DCC: variants seen among roughly 807,000 people sequenced by gnomAD.
DCC encodes the protein netrin receptor DCC.
A neutral mutation model predicts 172.5 loss-of-function variants in DCC; 58 were observed. The ratio of observed to expected loss-of-function variants is 0.34; its 90% CI spans 0.27 to 0.42. DCC has a LOEUF of 0.42. Among genes scored for constraint, DCC ranks in the 10% least tolerant of loss-of-function variants. The probability of loss-of-function intolerance (pLI) is 1.00; values close to 1 mark genes in which losing one functional copy is unlikely to be tolerated. For missense variants in DCC, 1,740 were observed against 1,791.0 expected (o/e 0.97, Z 0.51); for synonymous variants, 709 against 644.5 (o/e 1.10, Z -1.52).
intron 2 of DCC, among the ~76,000 whole-genome samples, chr18:52,841,360 C>T (rs1364325225): frequency 6.6e-6 from 1 of 151,894 alleles, no homozygotes; most frequent in East Asian, 1.9e-4. Context: ...AGTTACAAGG[C>T]TATTTTATCA....
At chr18:53,320,379 C>T (rs2057397489) in intron 13 of DCC, among the ~76,000 whole-genome samples, 1 of 152,106 alleles carries the variant, frequency 6.6e-6, no homozygotes, top group Non-Finnish European at 1.5e-5. Flanking sequence ...GCCAAGAGTA[C>T]ATTTTTGATG....
rs188306223 is a variant in DCC, at chr18:53,032,822, A to G, written c.986-30483A>G. Among the ~76,000 whole-genome samples the G allele has an allele frequency of 3.1e-4, 47 of 152,226 alleles. No individual in the cohort carries two copies. The East Asian group carries it at 9.1e-3, about 30-fold the overall frequency. On this transcript the variant is annotated intron_variant, in intron 5 of 28. Coordinates refer to ENST00000442544, the MANE Select transcript of DCC (RefSeq NM_005215.4). ...ACTGCTGGGGAAATTAGTTTCTAAT[A>G]AAAAGAAAAACCTGCAGTTCAAGTC...
chr18:53,503,655 T>G (rs2046132522), intron 27 of DCC, among the ~76,000 whole-genome samples: 2 of 152,214 alleles, frequency 1.3e-5, no homozygotes, highest in African/African-American at 4.8e-5. Context: ...TAGTTAAAAT[T>G]CCTTTTAGTG....
At chr18:52,873,848 T>C (rs2039360277) in intron 2 of DCC, among the ~76,000 whole-genome samples, 2 of 152,220 alleles carry the variant, frequency 1.3e-5, no homozygotes, top group Non-Finnish European at 1.5e-5. Context: ...TATCGGCTAA[T>C]GAGTGATTGT....
chr18:53,499,458 A>G lies in DCC; in HGVS notation c.4059A>G (p.Pro1353=). 1.2e-6 allele frequency: 2 copies of G among 1,614,052 alleles called. No homozygotes were observed. Among genetic ancestry groups the G allele is most frequent in the South Asian group, 1.1e-5 (1 of 91,066 alleles). Residue 1353 remains proline (P), a synonymous_variant, in exon 27 of 29, where the codon CCA becomes CCG. Coordinates refer to ENST00000442544, the MANE Select transcript of DCC (RefSeq NM_005215.4). ...TTGCTAATCCTTTGCTACCTCCACC[A>G]ATGAGTGCAATAGAACCGAAAGTCC... The part of the protein sequence containing the change: ...RSFANPLLPP[P]MSAIEPKVPY...
At chr18:52,393,133 C>T (rs181956055) in intron 1 of DCC, among the ~76,000 whole-genome samples, 22 of 152,188 alleles carry the variant, frequency 1.4e-4, no homozygotes, top group Admixed American at 7.2e-4. Context: ...ACCACAGGTA[C>T]ACTCCCAATA....
chr18:52,732,490 C>T (rs942838369), intron 1 of DCC, among the ~76,000 whole-genome samples: 1 of 152,078 alleles, frequency 6.6e-6, no homozygotes, highest in African/African-American at 2.4e-5. Context: ...CTGATGATTA[C>T]CTTAGAGCAG....
intron 1 of DCC, among the ~76,000 whole-genome samples, chr18:52,572,779 G>C (rs2033329989): frequency 6.6e-6 from 1 of 152,122 alleles, no homozygotes; most frequent in Non-Finnish European, 1.5e-5. Context: ...ATAAAGTGCG[G>C]GGAGGGAGAC....
At chr18:53,366,110 G>A (rs992499041) in intron 15 of DCC, among the ~76,000 whole-genome samples, 3 of 151,862 alleles carry the variant, frequency 2.0e-5, no homozygotes, top group South Asian at 2.1e-4. Flanking sequence ...AGGCTGGAGT[G>A]CAGTGGCGCG....
intron 2 of DCC, among the ~76,000 whole-genome samples, chr18:52,894,213 T>C (rs971430626): frequency 6.6e-6 from 1 of 152,108 alleles, no homozygotes; most frequent in Non-Finnish European, 1.5e-5. Flanking sequence ...CACCAGCATC[T>C]TTCATTTTTG....
intron 27 of DCC, among the ~76,000 whole-genome samples, chr18:53,521,684 T>A (rs1177357589): frequency 6.6e-6 from 1 of 152,154 alleles, no homozygotes; most frequent in Non-Finnish European, 1.5e-5. Flanking sequence ...TAGAGTGAAT[T>A]GATTTTCAGA....
At position 52,752,289 on chromosome 18, in the gene DCC, G is replaced by A. The variant is rs1473144528; in HGVS notation, c.327G>A (p.Lys109=). 1.9e-6 allele frequency: 3 copies of A among 1,614,014 alleles called. No homozygotes were observed. Among genetic ancestry groups the A allele is most frequent in the African/African-American group, 1.3e-5 (1 of 74,912 alleles). ...ACATACTTCATTCCAGACACCACAA[G>A]CCAGATGAGGGACTTTACCAATGTG... ...IQNILHSRHH[K]PDEGLYQCEA... The change falls in exon 2 of 29, where the codon AAG becomes AAA. Residue 109 remains lysine (K), a synonymous_variant. Coordinates refer to ENST00000442544, the MANE Select transcript of DCC (RefSeq NM_005215.4).
At chr18:52,601,450 C>A (rs989674238) in intron 1 of DCC, among the ~76,000 whole-genome samples, 1 of 152,012 alleles carries the variant, frequency 6.6e-6, no homozygotes. Context: ...GTCAGGCTGT[C>A]AATAATATAA....
chr18:52,421,105 G>A (rs974463942), intron 1 of DCC, among the ~76,000 whole-genome samples: 1 of 152,048 alleles, frequency 6.6e-6, no homozygotes, highest in South Asian at 2.1e-4. Flanking sequence ...GAAATAAGGG[G>A]GAAACATAGA....
Position 53,351,309 on chromosome 18 carries a change from ATATATACACTG to A in DCC, c.2359+11409_2359+11419del, listed in dbSNP as rs1193364725. On this transcript the variant is annotated intron_variant, in intron 15 of 28. Transcript: ENST00000442544. ...GAGTACAGTATATATATATATATAT[ATATATACACTG>A]TATATATATATACAGTGTATATATA... Among the ~76,000 whole-genome samples, 113 of 31,790 alleles carry A rather than the reference ATATATACACTG, an allele frequency of 3.6e-3. 1 individual carries two copies. The highest frequency in any genetic ancestry group is 9.9e-3 in the East Asian group (10 of 1,010). The allele number at this position is 31,790 out of a possible 152,430, so 20.9% of individuals were successfully genotyped here.
intron 7 of DCC, among the ~76,000 whole-genome samples, chr18:53,073,592 A>G (rs2042685068): frequency 6.6e-6 from 1 of 152,182 alleles, no homozygotes; most frequent in Admixed American, 6.5e-5. Flanking sequence ...TTTCCCTCTA[A>G]CATTGGTTAA....
At chr18:53,292,906 T>C (rs922252795) in intron 12 of DCC, among the ~76,000 whole-genome samples, 4 of 152,194 alleles carry the variant, frequency 2.6e-5, no homozygotes, top group South Asian at 4.1e-4. Context: ...AGTGACTTGA[T>C]TACTTAATTC....
intron 5 of DCC, among the ~76,000 whole-genome samples, chr18:53,040,237 A>G (rs1055520703): frequency 5.9e-5 from 9 of 152,048 alleles, no homozygotes; most frequent in East Asian, 1.9e-4. Context: ...GCACTGTGCT[A>G]TGTGCTTTGC....
chr18:52,578,032 G>A (rs982002134), intron 1 of DCC, among the ~76,000 whole-genome samples: 5 of 152,140 alleles, frequency 3.3e-5, no homozygotes, highest in East Asian at 1.9e-4. Flanking sequence ...CCAAGGCAAC[G>A]AGGATTATTC....
Sources: gnomAD v4.1 joint callset for allele counts (sites outside exome capture counted in the v4.1 genomes callset) on GRCh38, gnomAD v4.1.1 for gene constraint, MANE v1.5 for transcripts, NCBI Gene and HGNC (gene_info 2026-07-23, HGNC 2026-07-21) for gene names.